NFU1: variants seen among roughly 807,000 people sequenced by gnomAD.
NFU1 encodes NFU1 iron-sulfur cluster scaffold.
A neutral mutation model predicts 32.2 loss-of-function variants in NFU1; 30 were observed. The observed-to-expected ratio is 0.93, with a 90% CI of 0.70 to 1.26. The LOEUF (loss-of-function observed/expected upper bound fraction) is 1.26, where lower values mean the gene tolerates loss of function less well. Among genes scored for constraint, NFU1 ranks in the 50% most tolerant of loss-of-function variants. The pLI is 0.00. For synonymous variants in NFU1, 112 were observed against 104.6 expected, an observed-to-expected ratio of 1.07 and a Z score of -0.43; for missense variants, 306 against 306.6, an observed-to-expected ratio of 1.00 and a Z score of 0.02.
chr2:69,408,743 T>A (rs1672783305), intron 5 of NFU1, among the ~76,000 whole-genome samples: 1 of 17,942 alleles, frequency 5.6e-5, no homozygotes, highest in African/African-American at 2.2e-3. Context: ...TTTATATATA[T>A]ATATATATAT....
chr2:69,430,937 A>G (rs1023379451), intron 2 of NFU1, among the ~76,000 whole-genome samples: 1 of 152,220 alleles, frequency 6.6e-6, no homozygotes, highest in Admixed American at 6.5e-5. Context: ...CAGCTCCATA[A>G]CACATATAGG....
chr2:69,417,519 G>A (rs1159971517), intron 4 of NFU1, among the ~76,000 whole-genome samples: 2 of 151,722 alleles, frequency 1.3e-5, no homozygotes, highest in Non-Finnish European at 2.9e-5. Flanking sequence ...GGGCATAGTG[G>A]CATGCACCTG....
intron 6 of NFU1, 60 bp downstream of exon 6, chr2:69,405,962 T>C: frequency 2.8e-6 from 3 of 1,055,354 alleles, no homozygotes; most frequent in South Asian, 2.5e-5. Flanking sequence ...TAAAACTATA[T>C]TGCTATAATG....
chr2:69,429,044 C>T (rs1323623705), intron 2 of NFU1, among the ~76,000 whole-genome samples: 1 of 152,146 alleles, frequency 6.6e-6, no homozygotes, highest in Non-Finnish European at 1.5e-5. Context: ...GCCGCAATGT[C>T]CAAGTACTTC....
At chr2:69,401,947 G>A (rs967971779) in intron 6 of NFU1, among the ~76,000 whole-genome samples, 2 of 151,402 alleles carry the variant, frequency 1.3e-5, no homozygotes, top group African/African-American at 4.9e-5. Context: ...AGGCTGGAGT[G>A]CAATGGCACG....
At chr2:69,433,578 T>A (rs1157705788) in intron 1 of NFU1, among the ~76,000 whole-genome samples, 1 of 151,310 alleles carries the variant, frequency 6.6e-6, no homozygotes, top group Non-Finnish European at 1.5e-5. Context: ...TGGGTTCAAG[T>A]GATTCTCTTG....
intron 2 of NFU1, among the ~76,000 whole-genome samples, chr2:69,428,446 A>G (rs1483221304): frequency 6.6e-6 from 1 of 152,162 alleles, no homozygotes; most frequent in African/African-American, 2.4e-5. Flanking sequence ...AAAATTATTC[A>G]GTGCCTATCA....
chr2:69,436,017 T>C (rs1178583034), intron 1 of NFU1, among the ~76,000 whole-genome samples: 1 of 152,050 alleles, frequency 6.6e-6, no homozygotes, highest in Non-Finnish European at 1.5e-5. Context: ...GTGCTGGGAT[T>C]ACAGGCGTGA....
At chr2:69,424,219 A>ATC (rs1373497650) in intron 2 of NFU1, among the ~76,000 whole-genome samples, 8 of 126,884 alleles carry the variant, frequency 6.3e-5, no homozygotes, top group South Asian at 2.5e-4. Flanking sequence ...ATATATATAT[A>ATC]TCTCAATATA....
chr2:69,429,439 T>G (rs1230147967), intron 2 of NFU1, among the ~76,000 whole-genome samples: 1 of 151,860 alleles, frequency 6.6e-6, no homozygotes, highest in African/African-American at 2.4e-5. Flanking sequence ...CATGTGCCTA[T>G]AATTCCAGCT....
chr2:69,417,442 A>C (rs1673092803), intron 4 of NFU1, among the ~76,000 whole-genome samples: 1 of 151,272 alleles, frequency 6.6e-6, no homozygotes, highest in Non-Finnish European at 1.5e-5. Context: ...CAGGAGTTTG[A>C]GACCAGCCTG....
intron 2 of NFU1, among the ~76,000 whole-genome samples, chr2:69,424,067 G>A (rs577805829): frequency 1.3e-5 from 2 of 149,144 alleles, no homozygotes; most frequent in East Asian, 2.0e-4. Flanking sequence ...CAGCTACTTG[G>A]GTGACTGAGG....
At chr2:69,437,774 C>A (rs960152484), upstream of NFU1, 1 of 436,254 alleles carries the variant, frequency 2.3e-6, no homozygotes, top group Non-Finnish European at 4.3e-6. Context: ...GACCCATTCC[C>A]TCCTCTAGGA....
At chr2:69,403,759 T>C (rs1422473595) in intron 6 of NFU1, among the ~76,000 whole-genome samples, 1 of 152,164 alleles carries the variant, frequency 6.6e-6, no homozygotes, top group Non-Finnish European at 1.5e-5. Flanking sequence ...CTGACTTAAA[T>C]TCCAGTATAC....
At chr2:69,415,611 A>C (rs1388765294) in intron 4 of NFU1, among the ~76,000 whole-genome samples, 1 of 152,158 alleles carries the variant, frequency 6.6e-6, no homozygotes, top group East Asian at 1.9e-4. Context: ...GTAAACTAGA[A>C]CTATGTTTTT....
chr2:69,435,143 T>C (rs1374970245), intron 1 of NFU1, among the ~76,000 whole-genome samples: 1 of 152,216 alleles, frequency 6.6e-6, no homozygotes, highest in Non-Finnish European at 1.5e-5. Context: ...CCAAACCTGG[T>C]GGTCTTTCAT....
intron 6 of NFU1, among the ~76,000 whole-genome samples, chr2:69,405,171 C>T (rs1368208167): frequency 6.6e-6 from 1 of 151,926 alleles, no homozygotes; most frequent in Non-Finnish European, 1.5e-5. Flanking sequence ...CGCTTGAACC[C>T]GGGAGGCGAG....
In NFU1 at chr2:69,419,564, C is replaced by T; in HGVS notation, c.343G>A (p.Gly115Arg). The T allele has an allele frequency of 6.3e-7, 1 of 1,592,516 alleles. No homozygotes were observed. ...TTTGTGACAGTGATGAAATCTGGTCCAAAGAAGACACTTTTTACTCCTTCA... is the reference window on the plus strand; with the variant it reads ...TTTGTGACAGTGATGAAATCTGGTCTAAAGAAGACACTTTTTACTCCTTCA... The part of the protein sequence containing the change: ...RIEGVKSVFF[G>R]PDFITVTKEN... Residue 115 changes from glycine (G) to arginine (R), a missense_variant, in exon 4 of 8, where the codon GGA (glycine) becomes AGA (arginine). Coordinates refer to ENST00000410022, the MANE Select transcript of NFU1 (RefSeq NM_001002755.4).
chr2:69,408,580 A>G (rs889235463), intron 5 of NFU1, among the ~76,000 whole-genome samples: 10 of 151,558 alleles, frequency 6.6e-5, no homozygotes, highest in African/African-American at 2.4e-4. Flanking sequence ...ATTAGCCGGG[A>G]GTGGTGGTGG....
Sources: gnomAD v4.1 joint callset for allele counts (sites outside exome capture counted in the v4.1 genomes callset) on GRCh38, gnomAD v4.1.1 for gene constraint, MANE v1.5 for transcripts, NCBI Gene and HGNC (gene_info 2026-07-23, HGNC 2026-07-21) for gene names.